Variants in NIPBL observed in about 807,000 individuals in gnomAD.
NIPBL encodes nipped-B-like protein.
In NIPBL, 19 loss-of-function variants were observed where a neutral mutation model predicts 321.8. The ratio of observed to expected loss-of-function variants is 0.06; its 90% confidence interval spans 0.04 to 0.09. The LOEUF is 0.09. NIPBL is among the 10% of genes least tolerant of loss of function. The pLI is 1.00. For synonymous variants in NIPBL, 1,106 were observed against 1,114.1 expected, an observed-to-expected ratio of 0.99 and a Z score of 0.14; for missense variants, 2,210 against 3,327.0, an observed-to-expected ratio of 0.66 and a Z score of 8.26.
chr5:36,900,566 G>C (rs1408383565), intron 1 of NIPBL, among the ~76,000 whole-genome samples: 2 of 152,138 alleles, frequency 1.3e-5, no homozygotes, highest in African/African-American at 4.8e-5. Flanking sequence ...CTCTCCTTAA[G>C]TTTAGTTAGA....
chr5:36,985,861 G>C lies in NIPBL; in HGVS notation c.2681G>C (p.Arg894Pro), dbSNP rs775238155. The C allele has an allele frequency of 2.5e-6, 4 of 1,613,706 alleles. No individual in the cohort carries two copies. The highest frequency in any genetic ancestry group is 2.7e-5 in the African/African-American group (2 of 74,884). The change falls in exon 10 of 47, where the codon CGT becomes CCT. Residue 894 changes from arginine (R) to proline (P), a missense_variant. Around this residue, in one of 14 missense-constraint regions of NIPBL, gnomAD observed 588 missense variants for 564.1 expected, o/e 1.04. Coordinates refer to ENST00000282516, the MANE Select transcript of NIPBL (RefSeq NM_133433.4). ...GEQKSRPDSP[R>P]VKQGDSNKSR... Reference sequence around the variant, plus strand: ...CAAAAATCAAGACCTGACAGTCCTCGTGTTAAACAAGGAGATTCTAATAAA... The same window carrying C: ...CAAAAATCAAGACCTGACAGTCCTCCTGTTAAACAAGGAGATTCTAATAAA...
intron 32 of NIPBL, among the ~76,000 whole-genome samples, chr5:37,034,552 A>G (rs541721357): frequency 6.6e-6 from 1 of 152,346 alleles, no homozygotes; most frequent in South Asian, 2.1e-4. Flanking sequence ...AATCAGTAAA[A>G]TACAGCTGTA....
At chr5:36,925,680 G>C (rs1210587905) in intron 1 of NIPBL, among the ~76,000 whole-genome samples, 1 of 152,114 alleles carries the variant, frequency 6.6e-6, no homozygotes, top group African/African-American at 2.4e-5. Context: ...CTAGTACGTG[G>C]CAGAATTATA....
chr5:37,044,901 C>T (rs1752815888), intron 36 of NIPBL, among the ~76,000 whole-genome samples, 172 bp downstream of exon 36: 1 of 152,106 alleles, frequency 6.6e-6, no homozygotes, highest in South Asian at 2.1e-4. Flanking sequence ...TCCTGAAGAA[C>T]CCACTGTGAT....
intron 1 of NIPBL, among the ~76,000 whole-genome samples, chr5:36,934,497 A>G (rs1484380717): frequency 1.3e-5 from 2 of 152,156 alleles, no homozygotes; most frequent in Non-Finnish European, 2.9e-5. Flanking sequence ...ATTTTTGTCT[A>G]GGTGTCATGA....
chr5:37,039,548 T>C (rs1250244421), intron 34 of NIPBL, among the ~76,000 whole-genome samples: 2 of 152,060 alleles, frequency 1.3e-5, no homozygotes, highest in African/African-American at 4.8e-5. Context: ...TACTATTATC[T>C]CTGTTTTACA....
chr5:36,886,973 G>A (rs1348941629), intron 1 of NIPBL, among the ~76,000 whole-genome samples: 1 of 151,980 alleles, frequency 6.6e-6, no homozygotes, highest in Non-Finnish European at 1.5e-5. Context: ...GTTAACTTTG[G>A]TGAAGCTCTT....
chr5:36,882,622 C>T (rs941942320), intron 1 of NIPBL, among the ~76,000 whole-genome samples: 1 of 151,944 alleles, frequency 6.6e-6, no homozygotes, highest in Non-Finnish European at 1.5e-5. Flanking sequence ...TGAGGTTCAT[C>T]ATGCTTAAGA....
chr5:37,056,900 T>TA (rs1371618076), intron 42 of NIPBL, among the ~76,000 whole-genome samples: 5 of 151,912 alleles, frequency 3.3e-5, no homozygotes, highest in South Asian at 2.1e-4. Context: ...ATTATAAAAT[T>TA]AAAAAAAATG....
intron 1 of NIPBL, among the ~76,000 whole-genome samples, chr5:36,879,063 T>C (rs1745315584): frequency 6.6e-6 from 1 of 152,148 alleles, no homozygotes; most frequent in African/African-American, 2.4e-5. Flanking sequence ...GTTTGTTTTT[T>C]TGGGGATGGA....
At chr5:36,883,540 ACAAATGTC>A in intron 1 of NIPBL, among the ~76,000 whole-genome samples, 1 of 124,400 alleles carries the variant, frequency 8.0e-6, no homozygotes, top group African/African-American at 3.8e-5. Context: ...ATTAAAACTA[ACAAATGTC>A]TAAAACACTA....
intron 8 of NIPBL, 137 bp downstream of exon 8, chr5:36,972,178 A>G (rs1164355738): frequency 4.6e-6 from 3 of 646,940 alleles, no homozygotes; most frequent in African/African-American, 1.8e-5. Flanking sequence ...AACCTGTACA[A>G]GCAGGTCTGG....
At chr5:36,965,348 A>G (rs1465659977) in intron 6 of NIPBL, among the ~76,000 whole-genome samples, 2 of 152,174 alleles carry the variant, frequency 1.3e-5, no homozygotes, top group African/African-American at 4.8e-5. Flanking sequence ...GCCATAAAAA[A>G]GAATAAAGTC....
intron 9 of NIPBL, among the ~76,000 whole-genome samples, chr5:36,981,782 T>C (rs1744174661): frequency 6.6e-6 from 1 of 151,712 alleles, no homozygotes; most frequent in Non-Finnish European, 1.5e-5. Flanking sequence ...GCTTCACTAA[T>C]GTTTTTATAA....
At chr5:37,013,167 G>A (rs1748408696) in intron 21 of NIPBL, among the ~76,000 whole-genome samples, 1 of 150,134 alleles carries the variant, frequency 6.7e-6, no homozygotes, top group Non-Finnish European at 1.5e-5. Context: ...GCCAGGCGGG[G>A]GGCTGACCCC....
At position 36,985,058 on chromosome 5, in the gene NIPBL, T is replaced by C. The variant is rs1205588612; in HGVS notation, c.1878T>C (p.Asn626=). The C allele has an allele frequency of 1.2e-6, 2 of 1,613,640 alleles. No individual in the cohort carries two copies. Among genetic ancestry groups the C allele is most frequent in the African/African-American group, 1.3e-5 (1 of 74,926 alleles). ...GTAGATTAGCAGAATCTAAACCAAA[T>C]GAAAACCGATTGGTGGAGACAAAAT... is the stretch of plus-strand genomic sequence containing the variant. ...SESRLAESKP[N]ENRLVETKSS... Residue 626 remains asparagine, a synonymous_variant, in exon 10 of 47, where the codon AAT becomes AAC. Transcript: ENST00000282516.
intron 1 of NIPBL, among the ~76,000 whole-genome samples, chr5:36,899,111 A>T (rs185109439): frequency 6.6e-6 from 1 of 152,228 alleles, no homozygotes; most frequent in African/African-American, 2.4e-5. Flanking sequence ...AATTTCTTTG[A>T]TTCTCACTTT....
chr5:37,039,398 A>G (rs932013803), intron 34 of NIPBL, among the ~76,000 whole-genome samples: 16 of 151,770 alleles, frequency 1.1e-4, no homozygotes, highest in African/African-American at 3.9e-4. Context: ...AACATACACT[A>G]TGTTTTTCTA....
chr5:37,000,645 A>G, intron 12 of NIPBL, 75 bp downstream of exon 12: 4 of 1,463,990 alleles, frequency 2.7e-6, no homozygotes, highest in Non-Finnish European at 3.8e-6. Context: ...AGAATATTTT[A>G]TATCTTTTTA....
Sources: allele counts gnomAD v4.1 joint callset (sites outside exome capture counted in the v4.1 genomes callset), GRCh38; gene constraint gnomAD v4.1.1; regional missense constraint gnomAD v4.1.1; transcripts MANE v1.5; gene names NCBI Gene and HGNC (gene_info 2026-07-23, HGNC 2026-07-21).